The following MACROD2 variants were observed in gnomAD, a reference collection of about 807,000 sequenced individuals.
MACROD2 encodes ADP-ribose glycohydrolase MACROD2.
Under a neutral mutation model 70.4 loss-of-function variants are expected in MACROD2, and 36 were observed. The ratio of observed to expected loss-of-function variants is 0.51; its 90% CI spans 0.39 to 0.68. The LOEUF is 0.68. MACROD2 is among the 30% of genes least tolerant of loss of function. MACROD2 has a pLI of 0.00. For missense variants in MACROD2, 496 were observed against 538.4 expected (o/e 0.92, Z 0.78); for synonymous variants, 172 against 178.8 (o/e 0.96, Z 0.30).
chr20:14,908,513 GACTTGTTGTCAAAC>G (rs1173611388), intron 5 of MACROD2, among the ~76,000 whole-genome samples: 1 of 151,834 alleles, frequency 6.6e-6, no homozygotes, highest in Non-Finnish European at 1.5e-5. Flanking sequence ...AAATTAGCCG[GACTTGTTGTCAAAC>G]ACCTGTAGTC....
chr20:15,689,552 C>T lies in MACROD2; in HGVS notation c.646-173193C>T, dbSNP rs2050272732. Among the ~76,000 whole-genome samples, 5 of 151,964 alleles carry T rather than the reference C, an allele frequency of 3.3e-5. No individual in the cohort carries two copies. In the South Asian group the frequency reaches 1.0e-3, roughly 32 times the overall value. Reference sequence around the variant, plus strand: ...ACAATCTAAAGAAGAAGGATTTAGCCCTATGAAAAATCAGAGGGAAGCATT... The same window carrying T: ...ACAATCTAAAGAAGAAGGATTTAGCTCTATGAAAAATCAGAGGGAAGCATT... On this transcript the variant is annotated intron_variant, in intron 8 of 17. Transcript: ENST00000684519.
intron 4 of MACROD2, among the ~76,000 whole-genome samples, chr20:14,578,115 C>A (rs2096764301): frequency 6.6e-6 from 1 of 151,174 alleles, no homozygotes; most frequent in Non-Finnish European, 1.5e-5. Flanking sequence ...AAGGCTCTTC[C>A]AAGAGGAAAG....
At chr20:14,288,470 C>T (rs2082361638) in intron 3 of MACROD2, among the ~76,000 whole-genome samples, 1 of 152,144 alleles carries the variant, frequency 6.6e-6, no homozygotes, top group Non-Finnish European at 1.5e-5. Context: ...TTGTAGGACA[C>T]CTCCTTTAGA....
chr20:15,370,847 G>A (rs1372056967), intron 6 of MACROD2, among the ~76,000 whole-genome samples: 1 of 152,018 alleles, frequency 6.6e-6, no homozygotes, highest in Non-Finnish European at 1.5e-5. Flanking sequence ...GCATAAGGTA[G>A]GGTGGTAACC....
chr20:14,752,897 G>A (rs1376240524), intron 5 of MACROD2, among the ~76,000 whole-genome samples: 1 of 152,098 alleles, frequency 6.6e-6, no homozygotes, highest in Non-Finnish European at 1.5e-5. Context: ...GATTGAGTTT[G>A]CCTCTCTAGG....
chr20:15,373,934 G>A (rs546011650), intron 6 of MACROD2, among the ~76,000 whole-genome samples: 19 of 151,950 alleles, frequency 1.3e-4, no homozygotes, highest in East Asian at 1.9e-4. Context: ...ATTTTGCCAC[G>A]TCTGAATTTT....
intron 3 of MACROD2, among the ~76,000 whole-genome samples, chr20:14,390,111 G>A (rs1432853013): frequency 6.6e-6 from 1 of 152,124 alleles, no homozygotes; most frequent in Admixed American, 6.6e-5. Flanking sequence ...CAGCAGTCAA[G>A]CTGAGATCCA....
intron 11 of MACROD2, 46 bp downstream of exon 11, chr20:15,933,384 G>T: frequency 1.3e-6 from 2 of 1,527,970 alleles, no homozygotes; most frequent in South Asian, 1.1e-5. Flanking sequence ...CTCATCTGCA[G>T]AGGTGAACAG....
At chr20:14,485,553 T>C (rs2084715012) in intron 3 of MACROD2, among the ~76,000 whole-genome samples, 2 of 151,672 alleles carry the variant, frequency 1.3e-5, no homozygotes, top group East Asian at 1.9e-4. Flanking sequence ...TACAAAAAAT[T>C]AGCCGGGCGT....
intron 4 of MACROD2, among the ~76,000 whole-genome samples, chr20:14,593,974 T>C (rs566130923): frequency 6.6e-6 from 1 of 152,298 alleles, no homozygotes; most frequent in Middle Eastern, 3.4e-3. Flanking sequence ...ATTTCTTAGC[T>C]CTAGGCATGA....
At chr20:15,249,322 CCCAGCCA>C in intron 6 of MACROD2, among the ~76,000 whole-genome samples, 1 of 152,188 alleles carries the variant, frequency 6.6e-6, no homozygotes, top group East Asian at 1.9e-4. Flanking sequence ...TCTACTCTCT[CCCAGCCA>C]CCATTTTCTG....
intron 3 of MACROD2, among the ~76,000 whole-genome samples, chr20:14,118,053 G>T (rs2148689896): frequency 6.6e-6 from 1 of 152,192 alleles, no homozygotes; most frequent in East Asian, 1.9e-4. Context: ...TGTACTTCTG[G>T]TCTACAAACA....
intron 3 of MACROD2, among the ~76,000 whole-genome samples, chr20:14,428,112 A>G (rs2083954385): frequency 6.6e-6 from 1 of 152,170 alleles, no homozygotes; most frequent in South Asian, 2.1e-4. Context: ...AGAAAATATT[A>G]AATAGCCATT....
chr20:15,966,265 A>C (rs148358458), intron 12 of MACROD2, among the ~76,000 whole-genome samples: 437 of 152,338 alleles, frequency 2.9e-3, no homozygotes, highest in African/African-American at 0.01. Flanking sequence ...ATTTGTAAGT[A>C]ATCAAGGTGT....
chr20:14,198,198 G>C (rs1333554388), intron 3 of MACROD2, among the ~76,000 whole-genome samples: 1 of 152,064 alleles, frequency 6.6e-6, no homozygotes, highest in African/African-American at 2.4e-5. Flanking sequence ...GAGAGAGGGA[G>C]AGGAAAAGAG....
At chr20:14,537,814 G>A (rs1020623970) in intron 4 of MACROD2, among the ~76,000 whole-genome samples, 3 of 152,134 alleles carry the variant, frequency 2.0e-5, no homozygotes, top group African/African-American at 2.4e-5. Flanking sequence ...AGCATAGTCC[G>A]AAGGTAGACA....
At chr20:14,743,588 G>A (rs1006118871) in intron 5 of MACROD2, among the ~76,000 whole-genome samples, 19 of 152,198 alleles carry the variant, frequency 1.2e-4, no homozygotes, top group African/African-American at 4.6e-4. Context: ...AGTGAGACCT[G>A]TGTTGGACTT....
intron 15 of MACROD2, among the ~76,000 whole-genome samples, chr20:15,991,550 A>G (rs1485275427): frequency 1.3e-5 from 2 of 152,188 alleles, no homozygotes; most frequent in African/African-American, 4.8e-5. Context: ...TCATATACAG[A>G]CTGTGTTCTT....
intron 8 of MACROD2, among the ~76,000 whole-genome samples, chr20:15,586,196 A>G (rs2146657548): frequency 6.6e-6 from 1 of 152,340 alleles, no homozygotes; most frequent in South Asian, 2.1e-4. Flanking sequence ...GAGATCCACT[A>G]GAGGACCTTG....
Sources: allele counts gnomAD v4.1 joint callset (sites outside exome capture counted in the v4.1 genomes callset), GRCh38; gene constraint gnomAD v4.1.1; transcripts MANE v1.5; gene names NCBI Gene and HGNC (gene_info 2026-07-23, HGNC 2026-07-21).